The following PPP2R1B variants were observed in gnomAD, a reference collection of about 807,000 sequenced individuals.
The protein encoded by PPP2R1B is protein phosphatase 2 scaffold subunit Abeta, also known as serine/threonine-protein phosphatase 2A 65 kDa regulatory subunit A beta isoform.
PPP2R1B carries 58 observed loss-of-function variants against 72.7 expected under a neutral mutation model. The observed-to-expected ratio is 0.80, with a 90% CI of 0.65 to 0.99. PPP2R1B has a LOEUF of 0.99. Ranked by LOEUF, PPP2R1B falls within the 50% of genes least tolerant of loss-of-function variation. PPP2R1B has a pLI of 0.00. For synonymous variants in PPP2R1B, 256 were observed against 264.6 expected, an observed-to-expected ratio of 0.97 and a Z score of 0.32; for missense variants, 695 against 733.6, an observed-to-expected ratio of 0.95 and a Z score of 0.61.
chr11:111,723,824 C>T, downstream of PPP2R1B: 1 of 1,613,512 alleles, frequency 6.2e-7, no homozygotes, highest in Non-Finnish European at 8.5e-7. Flanking sequence ...GCCGCCACCG[C>T]CACCACCCCC....
At position 111,739,483 on chromosome 11, in the gene PPP2R1B, G is replaced by A. The variant is rs1944448134; in HGVS notation, c.*2113C>T. ...GAAGGAAACAATGAAACCCCTGAGG[G>A]GTCACCACAAAAGACAGAGGCCCCG... On this transcript the variant is annotated 3_prime_UTR_variant, in exon 15 of 15. Coordinates refer to ENST00000527614, the MANE Select transcript of PPP2R1B (RefSeq NM_002716.5). 2.6e-5 allele frequency: 26 copies of A among 985,254 alleles called. No homozygotes were observed. The South Asian group carries it at 1.1e-3, about 43-fold the overall frequency. 61.0% of individuals were successfully genotyped at this position (985,254 alleles called of 1,614,324 possible).
chr11:111,707,328 T>C, the PPP2R1B span, among the ~76,000 whole-genome samples: 1 of 152,234 alleles, frequency 6.6e-6, no homozygotes, highest in Non-Finnish European at 1.5e-5. Context: ...TATCCTTTCA[T>C]GTCTAGACTA....
the PPP2R1B span, chr11:111,705,259 T>A: frequency 9.0e-3 from 9,843 of 1,089,748 alleles, 623 homozygotes; most frequent in African/African-American, 0.14. This position sits in a 1 kb window ranked among gnomAD's most constrained non-coding sequence, Gnocchi z 4.3. Context: ...TTCTGTAAAA[T>A]TTCTGCCTGC....
chr11:111,702,374 C>T, the PPP2R1B span, among the ~76,000 whole-genome samples: 1 of 152,110 alleles, frequency 6.6e-6, no homozygotes, highest in Non-Finnish European at 1.5e-5. Flanking sequence ...CTCTTAAGGC[C>T]AGGAGTTGGA....
the PPP2R1B span, among the ~76,000 whole-genome samples, chr11:111,715,231 C>A: frequency 6.6e-6 from 1 of 152,190 alleles, no homozygotes; most frequent in Non-Finnish European, 1.5e-5. Context: ...CTTTGTGGAC[C>A]GTTTTATTTA....
At chr11:111,702,997 C>T in the PPP2R1B span, among the ~76,000 whole-genome samples, 13 of 152,260 alleles carry the variant, frequency 8.5e-5, no homozygotes, top group African/African-American at 3.1e-4. Flanking sequence ...TAGACCTACA[C>T]CCTCCTGTTT....
intron 5 of PPP2R1B, 132 bp from the exon 6 acceptor site, chr11:111,755,582 A>AT: frequency 1.3e-6 from 1 of 761,950 alleles, no homozygotes; most frequent in Non-Finnish European, 1.9e-6. Flanking sequence ...ACGTCTTGAC[A>AT]TCTTTTTCTT....
intron 9 of PPP2R1B, among the ~76,000 whole-genome samples, chr11:111,752,757 C>T (rs1020718880): frequency 3.3e-5 from 5 of 152,074 alleles, no homozygotes; most frequent in South Asian, 4.1e-4. Context: ...GGGCAGATCA[C>T]GAGGTCAGGA....
intron 15 of PPP2R1B, chr11:111,730,157 G>A (rs1944139006): frequency 6.6e-6 from 1 of 152,226 alleles, no homozygotes; most frequent in African/African-American, 2.4e-5. Context: ...TGTCTTTTCA[G>A]AGGCAAAGTG....
Position 111,742,674 on chromosome 11 carries a change from ATAAG to A in PPP2R1B, c.1555-13_1555-10del, listed in dbSNP as rs1226336607. 1.3e-6 allele frequency: 2 copies of A among 1,589,360 alleles called. No homozygotes were observed. Among genetic ancestry groups the A allele is most frequent in the African/African-American group, 2.7e-5 (2 of 74,272 alleles). ...CAGGCCTCAGACAGTGCCTAGAAAA[ATAAG>A]TAAGATGGCACATTTAAAATACTTT... is the stretch of plus-strand genomic sequence containing the variant. On this transcript the variant is annotated splice_polypyrimidine_tract_variant and intron_variant, in intron 12 of 14. Coordinates refer to ENST00000527614, the MANE Select transcript of PPP2R1B (RefSeq NM_002716.5).
chr11:111,766,327 C>T lies in PPP2R1B; in HGVS notation c.35G>A (p.Gly12Glu), dbSNP rs781919686. The change falls in exon 1 of 15, where the codon GGA becomes GAA. Residue 12 changes from glycine (G) to glutamate (E), a missense_variant. Gly to Glu is a moderately conservative substitution (Grantham distance 98). Transcript: ENST00000527614. ...ATCATCTCCATCTCCACCCGCTGCT[C>T]CTGGGCCGGTCCCGAGCTCTGATGC... ...AGASELGTGPGAAGGDGDDSL... is the reference protein window; with the variant it reads ...AGASELGTGPEAAGGDGDDSL... 1.9e-6 allele frequency: 3 copies of T among 1,583,632 alleles called. No individual in the cohort carries two copies. The South Asian group carries it at 3.3e-5, about 18-fold the overall frequency.
chr11:111,748,396 T>C (rs1555046947), intron 10 of PPP2R1B, among the ~76,000 whole-genome samples: 4 of 152,270 alleles, frequency 2.6e-5, no homozygotes, highest in Admixed American at 6.5e-5. Context: ...CTCAATCGTC[T>C]TCCCTTTTTG....
At chr11:111,702,439 A>G in the PPP2R1B span, among the ~76,000 whole-genome samples, 2 of 152,142 alleles carry the variant, frequency 1.3e-5, no homozygotes, top group Non-Finnish European at 2.9e-5. Flanking sequence ...TTTTTTTTCA[A>G]TTAGCCGGGT....
At chr11:111,727,125 G>T in intron 15 of PPP2R1B, 2 of 1,407,918 alleles carry the variant, frequency 1.4e-6, no homozygotes, top group South Asian at 1.2e-5. Flanking sequence ...CGGTGACACT[G>T]ACCGTCCCCA....
chr11:111,755,050 G>A lies in PPP2R1B; in HGVS notation c.888C>T (p.Ile296=). The change falls in exon 7 of 15, where the codon ATC becomes ATT. Residue 296 remains isoleucine (I), a synonymous_variant. Transcript: ENST00000527614. Reference sequence around the variant, plus strand: ...CTTTAAGTAGGTTCTGAAAGGCGGGGATGAGGTCATTTAGGGTGATTTTAG... The same window carrying A: ...CTTTAAGTAGGTTCTGAAAGGCGGGAATGAGGTCATTTAGGGTGATTTTAG... ...MGPKITLNDL[I]PAFQNLLKDC... 2 of 1,614,102 alleles carry A rather than the reference G, an allele frequency of 1.2e-6. No individual in the cohort carries two copies. The highest frequency in any genetic ancestry group is 1.7e-6 in the Non-Finnish European group (2 of 1,179,960).
chr11:111,718,603 CCTT>C, the PPP2R1B span: 3 of 152,250 alleles, frequency 2.0e-5, no homozygotes, highest in Admixed American at 1.3e-4. Context: ...ACCCTAGTCT[CCTT>C]CTCCAAATAA....
At chr11:111,689,984 G>T in the PPP2R1B span, among the ~76,000 whole-genome samples, 8 of 148,660 alleles carry the variant, frequency 5.4e-5, no homozygotes, top group African/African-American at 2.0e-4. Context: ...GTGTGTATGT[G>T]TATATATATA....
At chr11:111,709,056 A>G in the PPP2R1B span, among the ~76,000 whole-genome samples, 1 of 152,244 alleles carries the variant, frequency 6.6e-6, no homozygotes, top group African/African-American at 2.4e-5. Context: ...GGCTGCCGTA[A>G]CGAAATACCA....
Position 111,740,175 on chromosome 11 carries a change from C to G in PPP2R1B, c.*1421G>C, listed in dbSNP as rs1333076588. 51 of 985,228 alleles carry G rather than the reference C, an allele frequency of 5.2e-5. No individual in the cohort carries two copies. Among genetic ancestry groups the G allele is most frequent in the Admixed American group, 6.2e-5 (1 of 16,260 alleles). The allele number at this position is 985,228 out of a possible 1,614,324, so 61.0% of individuals were successfully genotyped here. ...GAAAAATAAACTATGGGAAAACCCC[C>G]TTAACCAAAAGTCATGAGACAAGGT... On this transcript the variant is annotated 3_prime_UTR_variant, in exon 15 of 15. Transcript: ENST00000527614.
Sources: gnomAD v4.1 joint callset for allele counts (sites outside exome capture counted in the v4.1 genomes callset) on GRCh38, gnomAD v4.1.1 for gene constraint, Gnocchi (gnomAD v3.1) non-coding constraint, MANE v1.5 for transcripts, NCBI Gene and HGNC (gene_info 2026-07-23, HGNC 2026-07-21) for gene names.